KCNIP1: variants seen among roughly 807,000 people sequenced by gnomAD.
KCNIP1 encodes the protein A-type potassium channel modulatory protein KCNIP1.
KCNIP1 carries 18 observed loss-of-function variants against 33.0 expected under a neutral mutation model. The observed-to-expected ratio is 0.55, with a 90% confidence interval of 0.38 to 0.81. The LOEUF is 0.81. KCNIP1 is among the 30% of genes least tolerant of loss of function. The pLI is 0.00. For synonymous variants in KCNIP1, 93 were observed against 98.3 expected (o/e 0.95, Z 0.32); for missense variants, 238 against 271.6 (o/e 0.88, Z 0.87).
Position 170,679,797 on chromosome 5 carries a change from T to C in KCNIP1, c.62-38961T>C, listed in dbSNP as rs78632896. ...ATACATGGATGTGCCACATTATTTT[T>C]AATGGCTCACATGGTACTCCTTTTA... On this transcript the variant is annotated intron_variant, in intron 1 of 7. Transcript: ENST00000328939. Among the ~76,000 whole-genome samples, 96 of 152,254 alleles carry C rather than the reference T, an allele frequency of 6.3e-4. 3 individuals carry two copies. The East Asian group carries it at 0.013, about 21-fold the overall frequency.
At chr5:170,471,974 G>T (rs900625038) in intron 1 of KCNIP1, among the ~76,000 whole-genome samples, 6 of 152,212 alleles carry the variant, frequency 3.9e-5, no homozygotes, top group Admixed American at 1.3e-4. Flanking sequence ...AGGCTATGGG[G>T]TGGAAGTGTC....
chr5:170,593,540 T>C (rs1234619925), intron 1 of KCNIP1, among the ~76,000 whole-genome samples: 1 of 152,244 alleles, frequency 6.6e-6, no homozygotes, highest in African/African-American at 2.4e-5. Flanking sequence ...CTTTGATAAA[T>C]AATTCCATCA....
intron 1 of KCNIP1, chr5:170,385,560 C>T: frequency 1.7e-6 from 2 of 1,180,550 alleles, no homozygotes; most frequent in Non-Finnish European, 2.5e-6. Flanking sequence ...GGAAGGTACT[C>T]AACTATTAAT....
At chr5:170,601,873 G>A (rs1240199266) in intron 1 of KCNIP1, among the ~76,000 whole-genome samples, 2 of 152,196 alleles carry the variant, frequency 1.3e-5, no homozygotes, top group African/African-American at 2.4e-5. Flanking sequence ...GGACCTGTCT[G>A]GAGTCTTACC....
chr5:170,586,145 G>A (rs1757981934), intron 1 of KCNIP1, among the ~76,000 whole-genome samples: 1 of 152,208 alleles, frequency 6.6e-6, no homozygotes, highest in Admixed American at 6.5e-5. Context: ...GATTATGAGT[G>A]TAAAGAGTTT....
intron 1 of KCNIP1, among the ~76,000 whole-genome samples, chr5:170,423,628 C>A (rs1286430641): frequency 2.6e-5 from 4 of 152,172 alleles, no homozygotes; most frequent in Non-Finnish European, 5.9e-5. Flanking sequence ...CTCGAGGATC[C>A]CCAGCTTGGC....
chr5:170,680,378 C>A (rs2113792296), intron 1 of KCNIP1: 1 of 152,364 alleles, frequency 6.6e-6, no homozygotes. Flanking sequence ...TTCTCTCTTT[C>A]ATTTCCAGAA....
chr5:170,722,750 C>G lies in KCNIP1; in HGVS notation c.365C>G (p.Thr122Ser). 6.2e-7 allele frequency: 1 copy of G among 1,613,880 alleles called. No individual in the cohort carries two copies. Among genetic ancestry groups the G allele is most frequent in the African/African-American group, 1.3e-5 (1 of 75,046 alleles). ...VTALSILLRGTVHEKLRWTFN... is the reference protein window; with the variant it reads ...VTALSILLRGSVHEKLRWTFN... ...GCTCTGTCGATTTTATTGAGAGGAA[C>G]TGTCCACGAGAAACTAAGGTGGACA... The change falls in exon 5 of 8, where the codon ACT (threonine) becomes AGT (serine). Residue 122 changes from threonine (T) to serine (S), a missense_variant. Transcript: ENST00000328939.
At chr5:170,361,426 T>A (rs1380968683) in intron 1 of KCNIP1, among the ~76,000 whole-genome samples, 2 of 152,168 alleles carry the variant, frequency 1.3e-5, no homozygotes, top group African/African-American at 4.8e-5. Context: ...TCTGTTAGGA[T>A]GAGGGGAGGA....
intron 1 of KCNIP1, among the ~76,000 whole-genome samples, chr5:170,560,882 T>C (rs1202718822): frequency 6.6e-6 from 1 of 152,036 alleles, no homozygotes; most frequent in African/African-American, 2.4e-5. Flanking sequence ...TTCCTTCTCC[T>C]CTCCCACTCC....
At chr5:170,416,929 C>T (rs1755346883) in intron 1 of KCNIP1, among the ~76,000 whole-genome samples, 2 of 152,162 alleles carry the variant, frequency 1.3e-5, no homozygotes. Context: ...TAAATAATAT[C>T]CTCTTTTTAA....
At chr5:170,485,222 A>G (rs6870692) in intron 1 of KCNIP1, among the ~76,000 whole-genome samples, 1,889 of 152,236 alleles carry the variant, frequency 0.012, 45 homozygotes, top group African/African-American at 0.042. Context: ...TTATAGGTGT[A>G]AGCCACCGCA....
intron 1 of KCNIP1, among the ~76,000 whole-genome samples, chr5:170,552,856 G>A (rs141725992): frequency 8.5e-5 from 13 of 152,286 alleles, no homozygotes; most frequent in African/African-American, 2.6e-4. Flanking sequence ...AAGGCAGTCA[G>A]GAGCTGTCCA....
chr5:170,448,627 T>C (rs944418527), intron 1 of KCNIP1, among the ~76,000 whole-genome samples: 1 of 152,218 alleles, frequency 6.6e-6, no homozygotes, highest in Non-Finnish European at 1.5e-5. Context: ...TTTTCAAGAA[T>C]GGGCAAGATA....
At chr5:170,661,594 CT>C (rs1437564984) in intron 1 of KCNIP1, among the ~76,000 whole-genome samples, 1 of 152,086 alleles carries the variant, frequency 6.6e-6, no homozygotes, top group African/African-American at 2.4e-5. Flanking sequence ...CAGCTGCATT[CT>C]TGGCCCAGCA....
intron 1 of KCNIP1, among the ~76,000 whole-genome samples, chr5:170,373,859 T>C (rs1340402929): frequency 1.3e-5 from 2 of 152,228 alleles, no homozygotes; most frequent in African/African-American, 2.4e-5. Flanking sequence ...AGCCTCCACT[T>C]TGAGAACTGC....
chr5:170,448,771 C>A (rs1756177891), intron 1 of KCNIP1, among the ~76,000 whole-genome samples: 1 of 152,168 alleles, frequency 6.6e-6, no homozygotes, highest in Non-Finnish European at 1.5e-5. Flanking sequence ...TGATTTATAA[C>A]TGTTCAAAAA....
chr5:170,400,475 G>A (rs1754874442), intron 1 of KCNIP1, among the ~76,000 whole-genome samples: 2 of 152,054 alleles, frequency 1.3e-5, no homozygotes, highest in Non-Finnish European at 2.9e-5. Context: ...CCCCCACCAG[G>A]TCCCTCCCTC....
intron 1 of KCNIP1, among the ~76,000 whole-genome samples, chr5:170,601,745 C>T (rs183987948): frequency 1.6e-3 from 241 of 152,302 alleles, no homozygotes; most frequent in Admixed American, 4.7e-3. Context: ...GCCCACAGGC[C>T]GGCAGGGAGA....
Sources: allele counts gnomAD v4.1 joint callset (sites outside exome capture counted in the v4.1 genomes callset), GRCh38; gene constraint gnomAD v4.1.1; transcripts MANE v1.5; gene names NCBI Gene and HGNC (gene_info 2026-07-23, HGNC 2026-07-21).